Variants in UBE2G1 observed in about 807,000 individuals in gnomAD.
UBE2G1 encodes ubiquitin conjugating enzyme E2 G1.
Under a neutral mutation model 22.7 loss-of-function variants are expected in UBE2G1, and 5 were observed. The ratio of observed to expected loss-of-function variants is 0.22; its 90% CI spans 0.12 to 0.46. The LOEUF (loss-of-function observed/expected upper bound fraction) is 0.46, where lower values mean the gene tolerates loss of function less well. Among genes scored for constraint, UBE2G1 ranks in the 20% least tolerant of loss-of-function variants. The pLI, the probability that UBE2G1 is intolerant of heterozygous loss-of-function variation, is 0.99. For synonymous variants in UBE2G1, 74 were observed against 67.5 expected, an observed-to-expected ratio of 1.10 and a Z score of -0.47; for missense variants, 88 against 203.9, an observed-to-expected ratio of 0.43 and a Z score of 3.46.
At chr17:4,274,892 AATAAT>A (rs1281333517) in intron 5 of UBE2G1, among the ~76,000 whole-genome samples, 7 of 11,020 alleles carry the variant, frequency 6.4e-4, no homozygotes, top group African/African-American at 8.8e-4. Flanking sequence ...CTGTACAATA[AATAAT>A]ATAATTAGCC....
Position 4,366,308 on chromosome 17 carries a change from C to G in UBE2G1, c.9G>C (p.Glu3Asp), listed in dbSNP as rs761186106. The G allele has an allele frequency of 1.3e-6, 2 of 1,549,442 alleles. No individual in the cohort carries two copies. Among genetic ancestry groups the G allele is most frequent in the Non-Finnish European group, 1.7e-6 (2 of 1,156,994 alleles). Residue 3 changes from glutamate to aspartate, a missense_variant, in exon 1 of 6, where the codon GAG becomes GAC. By Grantham distance (45) the Glu-to-Asp change is conservative. Transcript: ENST00000396981. The part of the protein sequence containing the change: MT[E>D]LQSALLLRRQ... ...TTCGCAGTAGCAGTGCCGACTGCAG[C>G]TCCGTCATCCTCCCTGCCGAGGGCC...
intron 1 of UBE2G1, among the ~76,000 whole-genome samples, chr17:4,357,956 A>G (rs1441179636): frequency 6.6e-6 from 1 of 152,046 alleles, no homozygotes; most frequent in African/African-American, 2.4e-5. Context: ...AAATTTTTAA[A>G]AGATATATGT....
intron 5 of UBE2G1, among the ~76,000 whole-genome samples, chr17:4,279,467 C>T (rs1968857753): frequency 6.6e-6 from 1 of 151,990 alleles, no homozygotes; most frequent in Non-Finnish European, 1.5e-5. Flanking sequence ...TCATACCATA[C>T]ACAAAAATCA....
rs1396575298 is a variant in UBE2G1, at chr17:4,275,198, A to G, written c.*38-2682T>C. Among the ~76,000 whole-genome samples the G allele has an allele frequency of 4.6e-5, 7 of 152,214 alleles. No individual in the cohort carries two copies. The East Asian group carries it at 1.3e-3, about 29-fold the overall frequency. On this transcript the variant is annotated intron_variant, in intron 5 of 5. Transcript: ENST00000396981. The stretch of plus-strand genomic sequence containing the variant: ...CCCTTTTCAGCAGAGGAAAAAGAAA[A>G]TCTATCCCTCTTCCCTTTTAATAAA...
intron 5 of UBE2G1, among the ~76,000 whole-genome samples, chr17:4,273,701 A>T (rs914344074): frequency 7.4e-5 from 10 of 135,634 alleles, no homozygotes; most frequent in African/African-American, 2.7e-4. Flanking sequence ...TATTATATTA[A>T]TATGTGCTTT....
intron 1 of UBE2G1, among the ~76,000 whole-genome samples, chr17:4,332,664 G>GCCA (rs1969592811): frequency 6.6e-6 from 1 of 151,880 alleles, no homozygotes; most frequent in Non-Finnish European, 1.5e-5. Flanking sequence ...TAAGTGCTGT[G>GCCA]CCACCTCCCT....
intron 1 of UBE2G1, among the ~76,000 whole-genome samples, chr17:4,319,894 G>A (rs1452696616): frequency 6.6e-6 from 1 of 152,038 alleles, no homozygotes; most frequent in East Asian, 1.9e-4. Flanking sequence ...GCAGGTGAAA[G>A]GGACCAGTGT....
chr17:4,277,909 T>A (rs111576562), intron 5 of UBE2G1, among the ~76,000 whole-genome samples: 2 of 151,778 alleles, frequency 1.3e-5, no homozygotes, highest in Non-Finnish European at 2.9e-5. Flanking sequence ...GAAACAGGTA[T>A]CTTTTACATT....
At chr17:4,277,217 C>A (rs1968831250) in intron 5 of UBE2G1, among the ~76,000 whole-genome samples, 1 of 152,218 alleles carries the variant, frequency 6.6e-6, no homozygotes, top group African/African-American at 2.4e-5. Flanking sequence ...TCAGTCGTGC[C>A]TGGAACCAGA....
chr17:4,302,228 A>G (rs570371902), intron 2 of UBE2G1: 62 of 486,584 alleles, frequency 1.3e-4, no homozygotes, highest in Admixed American at 4.2e-4. Flanking sequence ...ACAGTGTTGT[A>G]TATGTCGTTA....
At chr17:4,301,131 C>T (rs1395374532) in intron 2 of UBE2G1, among the ~76,000 whole-genome samples, 1 of 152,086 alleles carries the variant, frequency 6.6e-6, no homozygotes, top group Admixed American at 6.5e-5. Flanking sequence ...TGTATGCTGC[C>T]GTCTGCAATT....
chr17:4,282,329 C>T (rs9893691), intron 5 of UBE2G1, among the ~76,000 whole-genome samples: 87,564 of 151,984 alleles, frequency 0.58, 28,791 homozygotes, highest in East Asian at 0.8. Flanking sequence ...GTGTTCCACC[C>T]GCCTCGGCTT....
chr17:4,351,173 C>T (rs116110802), intron 1 of UBE2G1, among the ~76,000 whole-genome samples: 39 of 138,498 alleles, frequency 2.8e-4, no homozygotes, highest in African/African-American at 1.0e-3. Flanking sequence ...GACTGTCTCA[C>T]GGGGGCTGGG....
intron 3 of UBE2G1, among the ~76,000 whole-genome samples, chr17:4,290,195 C>T (rs1405854219): frequency 6.6e-6 from 1 of 151,826 alleles, no homozygotes; most frequent in East Asian, 1.9e-4. Flanking sequence ...GTAACATTTA[C>T]CCACCGTAAA....
chr17:4,348,498 A>G (rs1229574574), intron 1 of UBE2G1, among the ~76,000 whole-genome samples: 3 of 147,664 alleles, frequency 2.0e-5, no homozygotes, highest in Non-Finnish European at 4.5e-5. Flanking sequence ...GCTTGCAGTG[A>G]GCCGAGATCC....
intron 4 of UBE2G1, among the ~76,000 whole-genome samples, chr17:4,285,336 A>T (rs1039753940): frequency 2.0e-5 from 3 of 152,214 alleles, no homozygotes; most frequent in Admixed American, 2.0e-4. Flanking sequence ...AATGGAAAAG[A>T]ATCAGCCTAG....
chr17:4,347,015 T>C (rs1969785270), intron 1 of UBE2G1, among the ~76,000 whole-genome samples: 2 of 151,890 alleles, frequency 1.3e-5, no homozygotes, highest in South Asian at 2.1e-4. Context: ...TAGCCGGGCA[T>C]GGTGGTGTAT....
intron 3 of UBE2G1, among the ~76,000 whole-genome samples, chr17:4,289,827 A>G (rs2143698035): frequency 6.6e-6 from 1 of 152,318 alleles, no homozygotes; most frequent in East Asian, 1.9e-4. Flanking sequence ...CCACTAACTT[A>G]CCGACTTAAA....
At chr17:4,276,261 G>A (rs112448642) in intron 5 of UBE2G1, among the ~76,000 whole-genome samples, 86 of 152,022 alleles carry the variant, frequency 5.7e-4, no homozygotes, top group Non-Finnish European at 1.0e-3. Context: ...TGCAATCTCC[G>A]CCTCCCAGGT....
Sources: allele counts gnomAD v4.1 joint callset (sites outside exome capture counted in the v4.1 genomes callset), GRCh38; gene constraint gnomAD v4.1.1; transcripts MANE v1.5; gene names NCBI Gene and HGNC (gene_info 2026-07-23, HGNC 2026-07-21).